Variants in CFAP70 observed in about 807,000 individuals in gnomAD.
The protein encoded by CFAP70 is cilia- and flagella-associated protein 70.
A neutral mutation model predicts 137.6 loss-of-function variants in CFAP70; 81 were observed. The ratio of observed to expected loss-of-function variants is 0.59; its 90% CI spans 0.49 to 0.71. The LOEUF is 0.71. CFAP70 is among the 30% of genes least tolerant of loss of function. The pLI is 0.00. For synonymous variants in CFAP70, 382 were observed against 423.6 expected (o/e 0.90, Z 1.20); for missense variants, 976 against 1,226.7 (o/e 0.80, Z 3.05).
In CFAP70 at chr10:73,278,338, C is replaced by G. The variant is rs372581577; in HGVS notation, c.2240-1G>C. On this transcript the variant is annotated splice_acceptor_variant, in intron 19 of 26. Transcript: ENST00000310715. LOFTEE classifies it high-confidence loss of function. ...AGAATAGATAATGCAGCTCCTGGTC[C>G]TAAATAGATTACATTTTAATGAAAA... The G allele has an allele frequency of 8.1e-6, 13 of 1,607,264 alleles. No homozygotes were observed. Among genetic ancestry groups the G allele is most frequent in the African/African-American group, 5.4e-5 (4 of 74,506 alleles).
intron 7 of CFAP70, among the ~76,000 whole-genome samples, chr10:73,334,900 A>G (rs1377028156): frequency 3.3e-5 from 4 of 119,554 alleles, no homozygotes; most frequent in African/African-American, 1.0e-4. Flanking sequence ...TTTTTTTTTT[A>G]AGAGACAAGG....
chr10:73,313,243 G>A (rs1398185424), intron 9 of CFAP70, among the ~76,000 whole-genome samples: 1 of 151,888 alleles, frequency 6.6e-6, no homozygotes, highest in Non-Finnish European at 1.5e-5. Context: ...GTGGTGGCGG[G>A]TGCCTGTAGT....
chr10:73,327,310 A>G (rs2051557448), intron 8 of CFAP70, among the ~76,000 whole-genome samples: 1 of 150,620 alleles, frequency 6.6e-6, no homozygotes, highest in Non-Finnish European at 1.5e-5. Context: ...AAAACTCTCA[A>G]TAAATTAGGT....
chr10:73,348,722 T>C (rs2053937321), intron 3 of CFAP70, among the ~76,000 whole-genome samples: 1 of 152,190 alleles, frequency 6.6e-6, no homozygotes, highest in Non-Finnish European at 1.5e-5. Flanking sequence ...CTGCAAGTTA[T>C]AATAAGAAAT....
At chr10:73,320,656 C>T (rs1163095217) in intron 9 of CFAP70, among the ~76,000 whole-genome samples, 1 of 151,262 alleles carries the variant, frequency 6.6e-6, no homozygotes, top group Non-Finnish European at 1.5e-5. Context: ...ATCTATAAAA[C>T]ATTAATAATT....
chr10:73,288,724 T>C (rs1390454973), intron 19 of CFAP70, among the ~76,000 whole-genome samples: 1 of 152,210 alleles, frequency 6.6e-6, no homozygotes, highest in Non-Finnish European at 1.5e-5. Context: ...GGGTATGGCA[T>C]ATGACTTCTC....
At chr10:73,335,462 A>G in exon 7 of CFAP70, 1 of 1,611,404 alleles carries the variant, frequency 6.2e-7, no homozygotes, top group Non-Finnish European at 8.5e-7. Flanking sequence ...GGTAGCAGCG[A>G]CTTTCCAAGT....
At chr10:73,351,084 T>A (rs2054216395) in intron 3 of CFAP70, among the ~76,000 whole-genome samples, 1 of 93,896 alleles carries the variant, frequency 1.1e-5, no homozygotes, top group African/African-American at 5.8e-5. Context: ...TATATATATA[T>A]ATATATATAT....
At chr10:73,260,400 T>C (rs1214867247) in intron 25 of CFAP70, among the ~76,000 whole-genome samples, 1 of 150,554 alleles carries the variant, frequency 6.6e-6, no homozygotes, top group African/African-American at 2.4e-5. Flanking sequence ...AAGGAACTAA[T>C]TTTTTTTTTA....
At chr10:73,357,240 T>C (rs964163864) in intron 1 of CFAP70, among the ~76,000 whole-genome samples, 1 of 152,194 alleles carries the variant, frequency 6.6e-6, no homozygotes, top group Non-Finnish European at 1.5e-5. Context: ...AAATCTCTAT[T>C]TGATTGAAAA....
At chr10:73,314,611 G>T (rs534967995) in intron 9 of CFAP70, among the ~76,000 whole-genome samples, 3 of 151,914 alleles carry the variant, frequency 2.0e-5, no homozygotes, top group South Asian at 4.2e-4. Context: ...TTTTATTTTA[G>T]TTATTTATTT....
intron 19 of CFAP70, among the ~76,000 whole-genome samples, chr10:73,289,636 G>A (rs2131891462): frequency 6.6e-6 from 1 of 152,200 alleles, no homozygotes; most frequent in South Asian, 2.1e-4. Flanking sequence ...CCAAAACCTG[G>A]TTCTTTGAAA....
Position 73,275,528 on chromosome 10 carries a change from A to G in CFAP70, c.2591T>C (p.Val864Ala). ...CTTAAGAATGTGTGTTTGGGCCAGC[A>G]CCAAGTAATATTCACAGCTGGGGCC... Residue 864 changes from valine to alanine, a missense_variant, in exon 22 of 27, where the codon GTG becomes GCG. By Grantham distance (64) the Val-to-Ala change is moderately conservative. Transcript: ENST00000310715. The surrounding 1 kb of genome is among the most constrained non-coding windows in gnomAD (Gnocchi z 4.0). 1.2e-6 allele frequency: 2 copies of G among 1,612,174 alleles called. No homozygotes were observed. The highest frequency in any genetic ancestry group is 8.5e-7 in the Non-Finnish European group (1 of 1,179,350).
At chr10:73,350,973 ATGTG>A (rs963422702) in intron 3 of CFAP70, among the ~76,000 whole-genome samples, 3 of 138,790 alleles carry the variant, frequency 2.2e-5, no homozygotes, top group African/African-American at 5.4e-5. Flanking sequence ...GTGTATATGT[ATGTG>A]TGTGTGTATA....
chr10:73,351,093 ATATATATATATATATATATG>A (rs1195851681), intron 3 of CFAP70, among the ~76,000 whole-genome samples: 4 of 106,836 alleles, frequency 3.7e-5, no homozygotes, highest in Non-Finnish European at 7.6e-5. Flanking sequence ...ATATATATAT[ATATATATATATATATATATG>A]TATGTTTTGT....
At chr10:73,279,720 G>C (rs945782099) in intron 19 of CFAP70, among the ~76,000 whole-genome samples, 1 of 151,778 alleles carries the variant, frequency 6.6e-6, no homozygotes, top group African/African-American at 2.4e-5. Context: ...GCCAGGCATG[G>C]TGTTGCACAC....
In CFAP70 at chr10:73,325,082, C is replaced by G. The variant is rs932903221; in HGVS notation, c.778-1985G>C. ...AAGGAAAAAATGTTAAGGGCAGCCACAGAGAAAGGTCAGGTTACCCACAAA... is the reference window on the plus strand; with the variant it reads ...AAGGAAAAAATGTTAAGGGCAGCCAGAGAGAAAGGTCAGGTTACCCACAAA... On this transcript the variant is annotated intron_variant, in intron 8 of 26. Coordinates refer to ENST00000310715, the Ensembl canonical transcript of CFAP70. Among the ~76,000 whole-genome samples the G allele has an allele frequency of 1.5e-4, 23 of 152,218 alleles. 1 individual carries two copies. Among genetic ancestry groups the G allele is most frequent in the Middle Eastern group, 3.4e-3 (1 of 294 alleles).
At chr10:73,306,709 A>G (rs910188838) in intron 12 of CFAP70, among the ~76,000 whole-genome samples, 1 of 152,170 alleles carries the variant, frequency 6.6e-6, no homozygotes, top group African/African-American at 2.4e-5. Flanking sequence ...CTCTACAAAA[A>G]TTACAGAAAA....
At chr10:73,322,138 A>T (rs2050920002) in intron 9 of CFAP70, among the ~76,000 whole-genome samples, 3 of 152,252 alleles carry the variant, frequency 2.0e-5, no homozygotes, top group Non-Finnish European at 2.9e-5. Flanking sequence ...AAATTAAAGT[A>T]CAATAAAAAA....
Sources: allele counts gnomAD v4.1 joint callset (sites outside exome capture counted in the v4.1 genomes callset), GRCh38; gene constraint gnomAD v4.1.1; non-coding constraint Gnocchi (gnomAD v3.1); transcripts MANE v1.5; gene names NCBI Gene and HGNC (gene_info 2026-07-23, HGNC 2026-07-21).